CIB1: variants seen among roughly 807,000 people sequenced by gnomAD.
The protein encoded by CIB1 is calcium and integrin binding 1, also known as calcium and integrin-binding protein 1.
CIB1 carries 19 observed loss-of-function variants against 25.0 expected under a neutral mutation model. The observed-to-expected ratio is 0.76, with a 90% confidence interval of 0.53 to 1.12. CIB1 has a LOEUF of 1.12. CIB1 is among the 50% of genes most tolerant of loss of function. The pLI is 0.00. For synonymous variants in CIB1, 104 were observed against 98.5 expected (o/e 1.06, Z -0.33); for missense variants, 236 against 242.6 (o/e 0.97, Z 0.18).
chr15:90,230,644 C>G, intron 6 of CIB1, 139 bp from the exon 7 acceptor site: 1 of 909,732 alleles, frequency 1.1e-6, no homozygotes, highest in Non-Finnish European at 1.7e-6. Flanking sequence ...AAGAACTCCC[C>G]GAGACATCCA....
At chr15:90,242,005 C>A in the CIB1 span, 1 of 1,614,102 alleles carries the variant, frequency 6.2e-7, no homozygotes. Flanking sequence ...CGGCTGCCCC[C>A]ATCCCAGGCA....
the CIB1 span, among the ~76,000 whole-genome samples, chr15:90,254,758 A>C: frequency 6.6e-6 from 1 of 152,032 alleles, no homozygotes; most frequent in Non-Finnish European, 1.5e-5. Flanking sequence ...AGGCAGGAGG[A>C]TCTCTTGAGC....
the CIB1 span, among the ~76,000 whole-genome samples, chr15:90,256,597 C>CTT: frequency 2.8e-5 from 1 of 35,256 alleles, no homozygotes; most frequent in African/African-American, 1.1e-4. Context: ...TTCTTTCTTT[C>CTT]TTTCTTTCTT....
the CIB1 span, chr15:90,243,629 C>A: frequency 3.5e-5 from 5 of 142,922 alleles, no homozygotes; most frequent in Non-Finnish European, 6.0e-5. Flanking sequence ...TGCCACCACA[C>A]CTTGGTGCAG....
the CIB1 span, chr15:90,255,731 T>C: frequency 6.2e-7 from 1 of 1,614,096 alleles, no homozygotes; most frequent in East Asian, 2.2e-5. Context: ...CTCTGGGGGC[T>C]CATACTAACT....
chr15:90,234,024 A>C, upstream of CIB1: 1 of 1,009,920 alleles, frequency 9.9e-7, no homozygotes, highest in South Asian at 1.9e-5. Flanking sequence ...GCCCCCTCCT[A>C]AAAGCTGCCA....
the CIB1 span, among the ~76,000 whole-genome samples, chr15:90,256,571 T>TTC: frequency 3.3e-5 from 1 of 30,260 alleles, no homozygotes; most frequent in African/African-American, 1.4e-4. Context: ...CTTTCTTTCT[T>TTC]TCTTTCTTTC....
the CIB1 span, chr15:90,258,018 C>T: frequency 6.2e-7 from 1 of 1,610,952 alleles, no homozygotes; most frequent in South Asian, 1.1e-5. Context: ...TGGCCTTCCT[C>T]TGAGCACTGG....
chr15:90,264,257 T>C, the CIB1 span, among the ~76,000 whole-genome samples: 1 of 152,158 alleles, frequency 6.6e-6, no homozygotes, highest in Admixed American at 6.6e-5. Flanking sequence ...AATGGCTTGA[T>C]CTCACTTCAC....
chr15:90,241,918 G>T, the CIB1 span: 1 of 1,614,052 alleles, frequency 6.2e-7, no homozygotes, highest in Non-Finnish European at 8.5e-7. Context: ...GAGCTGGCTG[G>T]GCACCTCCCT....
rs1161198362 is a variant in CIB1, at chr15:90,231,194, G to C, written c.366C>G (p.Thr122=). The change falls in exon 5 of 7, where the codon ACC becomes ACG. Residue 122 remains threonine, a synonymous_variant. Coordinates refer to ENST00000328649, the MANE Select transcript of CIB1 (RefSeq NM_006384.4). ...GCCGGCTCAGGTCTTCTCTGTTCAA[G>C]GTTCCGTCATCATCAAAGTCTAGAG... ...FRIFDFDDDG[T]LNREDLSRLV... The C allele has an allele frequency of 6.2e-7, 1 of 1,607,400 alleles. No individual in the cohort carries two copies. Among genetic ancestry groups the C allele is most frequent in the Admixed American group, 1.7e-5 (1 of 58,616 alleles).
At chr15:90,251,280 A>ATTTTTTTTTTTTTT in the CIB1 span, among the ~76,000 whole-genome samples, 12 of 109,514 alleles carry the variant, frequency 1.1e-4, no homozygotes, top group African/African-American at 1.8e-4. Flanking sequence ...CGCATGGCAA[A>ATTTTTTTTTTTTTT]TTTTTTTTTT....
the CIB1 span, among the ~76,000 whole-genome samples, chr15:90,249,162 G>C: frequency 2.2e-5 from 3 of 137,612 alleles, no homozygotes; most frequent in African/African-American, 8.3e-5. Context: ...AGTGAGCTAT[G>C]ATGGTGCATT....
chr15:90,238,426 T>A (rs1596177025), upstream of CIB1: 2 of 152,266 alleles, frequency 1.3e-5, no homozygotes, highest in Admixed American at 1.3e-4. Context: ...CTCATTAAAC[T>A]TAGCTTGACT....
the CIB1 span, chr15:90,245,770 T>C: frequency 6.6e-6 from 1 of 152,192 alleles, no homozygotes; most frequent in Non-Finnish European, 1.5e-5. Context: ...TGTTTCTCCA[T>C]ATAAAAAGGG....
the CIB1 span, chr15:90,245,760 T>C: frequency 6.6e-6 from 1 of 152,180 alleles, no homozygotes; most frequent in African/African-American, 2.4e-5. Context: ...GACTCAAATA[T>C]GTTTCTCCAT....
chr15:90,265,675 G>A, the CIB1 span: 3 of 1,610,686 alleles, frequency 1.9e-6, no homozygotes, highest in Non-Finnish European at 2.5e-6. Flanking sequence ...TTCCGCTGCT[G>A]TTTCGTAGCC....
the CIB1 span, among the ~76,000 whole-genome samples, chr15:90,252,274 T>C: frequency 6.6e-6 from 1 of 152,064 alleles, no homozygotes; most frequent in Non-Finnish European, 1.5e-5. Context: ...TGACCTCAGG[T>C]GATCCACCCA....
At chr15:90,250,526 G>A in the CIB1 span, 2 of 1,401,794 alleles carry the variant, frequency 1.4e-6, no homozygotes, top group Non-Finnish European at 9.7e-7. Context: ...ATAACAGCAT[G>A]AAGGTCGTTC....
Sources: gnomAD v4.1 joint callset for allele counts (sites outside exome capture counted in the v4.1 genomes callset) on GRCh38, gnomAD v4.1.1 for gene constraint, MANE v1.5 for transcripts, NCBI Gene and HGNC (gene_info 2026-07-23, HGNC 2026-07-21) for gene names.